MGAT4C: variants seen among roughly 807,000 people sequenced by gnomAD.
The protein encoded by MGAT4C is MGAT4 family member C, also known as alpha-1,3-mannosyl-glycoprotein 4-beta-N-acetylglucosaminyltransferase C.
In MGAT4C, 19 loss-of-function variants were observed where a neutral mutation model predicts 40.1. The ratio of observed to expected loss-of-function variants is 0.47; its 90% CI spans 0.33 to 0.70. The LOEUF (loss-of-function observed/expected upper bound fraction) is 0.70, where lower values mean the gene tolerates loss of function less well. Among genes scored for constraint, MGAT4C ranks in the 30% least tolerant of loss-of-function variants. The pLI, the probability that MGAT4C is intolerant of heterozygous loss-of-function variation, is 0.02. For synonymous variants in MGAT4C, 181 were observed against 187.1 expected (o/e 0.97, Z 0.27); for missense variants, 491 against 563.2 (o/e 0.87, Z 1.30).
chr12:86,092,480 T>A (rs1372439316), intron 1 of MGAT4C, among the ~76,000 whole-genome samples: 1 of 152,064 alleles, frequency 6.6e-6, no homozygotes, highest in African/African-American at 2.4e-5. Context: ...ACAGTTATAA[T>A]TAGTGATCTA....
At position 86,533,357 on chromosome 12, in the gene MGAT4C, A is replaced by C. The variant is rs56767546; in HGVS notation, c.-228-98092T>G. 2.0e-4 allele frequency among the ~76,000 whole-genome samples: 30 copies of C among 152,110 alleles called. No individual in the cohort carries two copies. The East Asian group carries it at 5.2e-3, about 26-fold the overall frequency. On this transcript the variant is annotated intron_variant, in intron 2 of 7. Coordinates refer to the MGAT4C transcript ENST00000548651. ...TTCTACTGAAGCTCTTGGTAGCTTA[A>C]AATATAGCCCATTCTGTGGAGAAGG... is the stretch of plus-strand genomic sequence containing the variant.
chr12:86,824,491 A>G (rs539384530), intron 1 of MGAT4C, among the ~76,000 whole-genome samples: 9 of 151,388 alleles, frequency 5.9e-5, no homozygotes, highest in Non-Finnish European at 1.0e-4. Context: ...TGGAAAAGGC[A>G]TGTATATAGG....
chr12:86,105,205 C>T (rs1309678672), intron 1 of MGAT4C, among the ~76,000 whole-genome samples: 3 of 152,150 alleles, frequency 2.0e-5, no homozygotes, highest in Middle Eastern at 3.4e-3. Context: ...GAGGAGTGAT[C>T]GTTTTGAAAT....
intron 2 of MGAT4C, among the ~76,000 whole-genome samples, chr12:86,601,747 A>C (rs1961790213): frequency 6.6e-6 from 1 of 152,106 alleles, no homozygotes; most frequent in African/African-American, 2.4e-5. Context: ...ACCGGGAAGA[A>C]GTGGTGGGGC....
At chr12:86,461,486 C>T (rs966020025) in intron 2 of MGAT4C, among the ~76,000 whole-genome samples, 1 of 152,064 alleles carries the variant, frequency 6.6e-6, no homozygotes, top group Non-Finnish European at 1.5e-5. Flanking sequence ...ACCTCATGAT[C>T]CACCCTCCTC....
intron 2 of MGAT4C, among the ~76,000 whole-genome samples, chr12:86,641,186 G>T: frequency 6.6e-6 from 1 of 151,450 alleles, no homozygotes; most frequent in South Asian, 2.1e-4. Flanking sequence ...ATACTATGCA[G>T]CCATAAAAAA....
chr12:86,747,782 T>TA (rs562510365), intron 1 of MGAT4C, among the ~76,000 whole-genome samples: 35 of 150,982 alleles, frequency 2.3e-4, no homozygotes, highest in East Asian at 3.9e-4. Context: ...TTTTTTTTTT[T>TA]AAAAAAAAGC....
rs191779032 is a variant in MGAT4C at position 86,717,864 on chromosome 12, C to T, written c.-229+9345G>A. On this transcript the variant is annotated intron_variant, in intron 2 of 7. Coordinates refer to the MGAT4C transcript ENST00000548651. ...TCTTGTTTCAATACTGTTTCTACTT[C>T]ACAGTTTATTATTAGGAAATTTGAT... Among the ~76,000 whole-genome samples the T allele has an allele frequency of 2.4e-3, 370 of 152,250 alleles. 1 individual carries two copies. The highest frequency in any genetic ancestry group is 8.7e-3 in the African/African-American group (362 of 41,548).
intron 1 of MGAT4C, among the ~76,000 whole-genome samples, chr12:86,120,574 CGTTCTGCAATATTTGCT>C (rs1464613327): frequency 1.3e-5 from 2 of 152,160 alleles, no homozygotes; most frequent in Non-Finnish European, 2.9e-5. Context: ...CAACATTTGC[CGTTCTGCAATATTTGCT>C]GTTCTGCAGC....
intron 2 of MGAT4C, among the ~76,000 whole-genome samples, chr12:86,639,999 A>AT (rs1963334204): frequency 6.6e-6 from 1 of 151,606 alleles, no homozygotes; most frequent in African/African-American, 2.4e-5. Context: ...AGTTACACTT[A>AT]TTTTTTCAAA....
At chr12:86,616,561 G>A (rs1962456263) in intron 2 of MGAT4C, among the ~76,000 whole-genome samples, 1 of 152,004 alleles carries the variant, frequency 6.6e-6, no homozygotes, top group African/African-American at 2.4e-5. Context: ...TATCATGTCA[G>A]TTTTGATATT....
intron 2 of MGAT4C, among the ~76,000 whole-genome samples, chr12:86,694,116 C>T (rs1381072203): frequency 6.6e-6 from 1 of 152,092 alleles, no homozygotes; most frequent in Non-Finnish European, 1.5e-5. Flanking sequence ...TTTCCAAATA[C>T]ATTATCATGA....
chr12:86,371,583 T>C (rs1267526183), intron 3 of MGAT4C, among the ~76,000 whole-genome samples: 1 of 151,982 alleles, frequency 6.6e-6, no homozygotes, highest in Non-Finnish European at 1.5e-5. Flanking sequence ...TTTTAAAAAA[T>C]ATGTTCCTGT....
intron 2 of MGAT4C, among the ~76,000 whole-genome samples, chr12:86,035,731 TC>T (rs537016780): frequency 8.7e-5 from 13 of 150,124 alleles, no homozygotes; most frequent in Admixed American, 3.3e-4. Context: ...AAATCTTTAG[TC>T]CATCTTGGGT....
intron 3 of MGAT4C, among the ~76,000 whole-genome samples, chr12:86,385,294 C>T (rs1222319893): frequency 6.6e-6 from 1 of 152,036 alleles, no homozygotes; most frequent in Admixed American, 6.6e-5. Flanking sequence ...TTCATCTGGG[C>T]CTTTTTCATA....
intron 2 of MGAT4C, among the ~76,000 whole-genome samples, chr12:86,686,446 C>G (rs971081866): frequency 2.0e-5 from 3 of 152,138 alleles, no homozygotes; most frequent in African/African-American, 7.2e-5. Flanking sequence ...AGTTTTTGCC[C>G]ATTCACTATG....
At position 86,139,670 on chromosome 12, in the gene MGAT4C, G is replaced by C. The variant is rs144423567; in HGVS notation, c.-56-89947C>G. ...TACAATTATAAAAAGGCATTTCAATGAAAATGTATATATATGCTTTCTGAT... is the reference window on the plus strand; with the variant it reads ...TACAATTATAAAAAGGCATTTCAATCAAAATGTATATATATGCTTTCTGAT... On this transcript the variant is annotated intron_variant, in intron 1 of 4. Coordinates refer to ENST00000611864, the MANE Select transcript of MGAT4C (RefSeq NM_001351288.2). 2.0e-4 allele frequency among the ~76,000 whole-genome samples: 30 copies of C among 151,920 alleles called. No individual in the cohort carries two copies. In the East Asian group the frequency reaches 4.9e-3, roughly 25 times the overall value.
At chr12:86,732,107 A>G (rs1156639537) in intron 1 of MGAT4C, among the ~76,000 whole-genome samples, 3 of 152,208 alleles carry the variant, frequency 2.0e-5, no homozygotes, top group Non-Finnish European at 2.9e-5. Flanking sequence ...ATATGAAAAC[A>G]AAAACTCAAG....
At chr12:86,327,062 G>A in intron 4 of MGAT4C, among the ~76,000 whole-genome samples, 1 of 152,140 alleles carries the variant, frequency 6.6e-6, no homozygotes, top group East Asian at 1.9e-4. Context: ...AGTTATGTAT[G>A]TACTCAAGAT....
Sources: gnomAD v4.1 joint callset for allele counts (sites outside exome capture counted in the v4.1 genomes callset) on GRCh38, gnomAD v4.1.1 for gene constraint, MANE v1.5 for transcripts, NCBI Gene and HGNC (gene_info 2026-07-23, HGNC 2026-07-21) for gene names.